PRTG: variants seen among roughly 807,000 people sequenced by gnomAD.
PRTG encodes immunoglobulin superfamily, DCC subclass, member 5.
PRTG carries 67 observed loss-of-function variants against 122.5 expected under a neutral mutation model. The observed-to-expected ratio is 0.55, with a 90% CI of 0.45 to 0.67. The LOEUF is 0.67. Among genes scored for constraint, PRTG ranks in the 30% least tolerant of loss-of-function variants. The pLI is 0.00. For synonymous variants in PRTG, 554 were observed against 501.1 expected (o/e 1.11, Z -1.41); for missense variants, 1,435 against 1,415.4 (o/e 1.01, Z -0.22).
chr15:55,664,129 C>T (rs914723395), intron 11 of PRTG, among the ~76,000 whole-genome samples: 6 of 151,784 alleles, frequency 4.0e-5, no homozygotes, highest in East Asian at 1.9e-4. Context: ...TTTGTTTTGG[C>T]GGGGTGGGAG....
At position 55,663,058 on chromosome 15, in the gene PRTG, C is replaced by A. The variant is rs188314155; in HGVS notation, c.2041+9387G>T. Among the ~76,000 whole-genome samples the A allele has an allele frequency of 3.5e-3, 528 of 152,334 alleles. 4 individuals carry two copies. Among genetic ancestry groups the A allele is most frequent in the Non-Finnish European group, 5.6e-3 (379 of 68,038 alleles). The stretch of plus-strand genomic sequence containing the variant: ...TGGTCTTACTTCTCAAAGCCCTACT[C>A]CAGAGTAAAAGTACCATCCCTTAGA... On this transcript the variant is annotated intron_variant, in intron 11 of 19. Transcript: ENST00000389286.
intron 2 of PRTG, among the ~76,000 whole-genome samples, chr15:55,709,317 C>G (rs1175877082): frequency 6.9e-6 from 1 of 145,616 alleles, no homozygotes; most frequent in East Asian, 2.0e-4. Flanking sequence ...AAAGTGCTGA[C>G]AAGTTTTTTT....
chr15:55,742,892 GCGGTCGCAGC>G lies in PRTG; in HGVS notation c.30_39del (p.Leu11ArgfsTer29). 1 of 1,531,428 alleles carries G rather than the reference GCGGTCGCAGC, an allele frequency of 6.5e-7. No homozygotes were observed. The highest frequency in any genetic ancestry group is 8.8e-7 in the Non-Finnish European group (1 of 1,138,404). The allele number at this position is 1,531,428 out of a possible 1,614,324, so 94.9% of individuals were successfully genotyped here. A position where few individuals can be genotyped will look rare whatever the true frequency, so the allele number is the denominator to read the frequency against. The stretch of plus-strand genomic sequence containing the variant: ...AGGAGCGCGCGGAGCAGCATCCCCG[GCGGTCGCAGC>G]CGGGCGAGGGGTCGCAGAGGAGGCG... On this transcript the variant is annotated frameshift_variant, in exon 1 of 20. Coordinates refer to ENST00000389286, the MANE Select transcript of PRTG (RefSeq NM_173814.6). LOFTEE classifies it high-confidence loss of function.
At chr15:55,629,369 A>G (rs62017966) in intron 15 of PRTG, among the ~76,000 whole-genome samples, 4 of 34,356 alleles carry the variant, frequency 1.2e-4, no homozygotes, top group Admixed American at 3.5e-4. Flanking sequence ...GTATATATAT[A>G]TATATATGTG....
At chr15:55,666,832 T>C (rs141604725) in intron 11 of PRTG, among the ~76,000 whole-genome samples, 6 of 152,328 alleles carry the variant, frequency 3.9e-5, no homozygotes, top group Admixed American at 6.5e-5. Context: ...CATTATTTCA[T>C]TTAATCTCCC....
chr15:55,651,162 G>C (rs1446627177), intron 11 of PRTG, among the ~76,000 whole-genome samples: 1 of 152,054 alleles, frequency 6.6e-6, no homozygotes, highest in Non-Finnish European at 1.5e-5. Context: ...GTGTAAAAGA[G>C]TACCTTCCAA....
chr15:55,652,125 C>T (rs77347641), intron 11 of PRTG, among the ~76,000 whole-genome samples: 1,549 of 152,244 alleles, frequency 0.01, 18 homozygotes, highest in Non-Finnish European at 0.011. Context: ...TAAAATGCTG[C>T]TATAGAAAAG....
intron 2 of PRTG, among the ~76,000 whole-genome samples, chr15:55,728,914 C>A (rs1343835844): frequency 2.0e-5 from 3 of 152,072 alleles, no homozygotes; most frequent in Non-Finnish European, 4.4e-5. Context: ...AGTATAAGAT[C>A]CACATGCATA....
chr15:55,645,433 C>CAAAAAAAAAAAAAAAA (rs374791424), intron 11 of PRTG, among the ~76,000 whole-genome samples: 2 of 18,950 alleles, frequency 1.1e-4, no homozygotes, highest in Non-Finnish European at 1.4e-4. Flanking sequence ...AACTCCGTCT[C>CAAAAAAAAAAAAAAAA]AAAAAAAAAA....
chr15:55,741,206 T>C (rs1466755752), intron 1 of PRTG, among the ~76,000 whole-genome samples: 5 of 152,252 alleles, frequency 3.3e-5, no homozygotes, highest in Non-Finnish European at 5.9e-5. Context: ...CATTTTTCTA[T>C]CTGCCCTTTT....
At chr15:55,739,366 C>T (rs2031539994) in intron 2 of PRTG, among the ~76,000 whole-genome samples, 2 of 151,532 alleles carry the variant, frequency 1.3e-5, no homozygotes, top group Non-Finnish European at 2.9e-5. Context: ...TCCTCAATAG[C>T]TGGGATTACA....
chr15:55,732,801 C>A (rs1226397571), intron 2 of PRTG, among the ~76,000 whole-genome samples: 1 of 151,988 alleles, frequency 6.6e-6, no homozygotes, highest in South Asian at 2.1e-4. Context: ...GCCGGTAAAC[C>A]CTTAACAGCA....
In PRTG at chr15:55,646,258, C is replaced by T. The variant is rs1326421991; in HGVS notation, c.2042-5050G>A. 2.4e-4 allele frequency among the ~76,000 whole-genome samples: 37 copies of T among 151,302 alleles called. No homozygotes were observed. The Middle Eastern group carries it at 0.01, about 42-fold the overall frequency. ...CAATCTTCTGACCTTGTGATTCACC[C>T]GCCTTGGCCTCCCAAAGTGCCCGGA... On this transcript the variant is annotated intron_variant, in intron 11 of 19. Coordinates refer to ENST00000389286, the MANE Select transcript of PRTG (RefSeq NM_173814.6).
chr15:55,688,282 T>C (rs2059581534), intron 2 of PRTG, among the ~76,000 whole-genome samples: 1 of 152,180 alleles, frequency 6.6e-6, no homozygotes, highest in Non-Finnish European at 1.5e-5. Context: ...CTTGTTCTCC[T>C]TTTATTGCTG....
At position 55,740,662 on chromosome 15, in the gene PRTG, C is replaced by G; in HGVS notation, c.117G>C (p.Leu39=). 1 of 1,613,364 alleles carries G rather than the reference C, an allele frequency of 6.2e-7. No individual in the cohort carries two copies. Among genetic ancestry groups the G allele is most frequent in the Non-Finnish European group, 8.5e-7 (1 of 1,179,726 alleles). The change falls in exon 2 of 20, where the codon CTG becomes CTC. Residue 39 remains leucine (L), a synonymous_variant. Coordinates refer to ENST00000389286, the MANE Select transcript of PRTG (RefSeq NM_173814.6). The stretch of plus-strand genomic sequence containing the variant: ...CATCCTGTGGTTCTTTTACAAAAGA[C>G]AGTTCGCTAAAGCACCACACTCCTA... ...PLPGVWCFSE[L]SFVKEPQDVT... is the part of the protein sequence containing the mutation.
intron 2 of PRTG, among the ~76,000 whole-genome samples, chr15:55,714,201 A>C (rs1397370819): frequency 1.2e-4 from 9 of 75,936 alleles, no homozygotes; most frequent in Non-Finnish European, 1.8e-4. Flanking sequence ...CTATCTATTT[A>C]TCTGTCTCTC....
In PRTG at chr15:55,652,522, G is replaced by A. The variant is rs186872552; in HGVS notation, c.2042-11314C>T. ...GGGTGACTGCACTGCCCCCAAGCCT[G>A]TCCCTTCGACACAATACCCCCCATA... is the stretch of plus-strand genomic sequence containing the variant. On this transcript the variant is annotated intron_variant, in intron 11 of 19. Coordinates refer to ENST00000389286, the MANE Select transcript of PRTG (RefSeq NM_173814.6). Among the ~76,000 whole-genome samples the A allele has an allele frequency of 1.3e-4, 20 of 152,192 alleles. No homozygotes were observed. In the East Asian group the frequency reaches 3.7e-3, roughly 28 times the overall value.
At chr15:55,720,707 C>T (rs1292550798) in intron 2 of PRTG, among the ~76,000 whole-genome samples, 1 of 152,190 alleles carries the variant, frequency 6.6e-6, no homozygotes, top group Admixed American at 6.5e-5. Flanking sequence ...ATCTGTTCAG[C>T]AGTGTCCTTC....
At chr15:55,742,344 G>A (rs1386865093) in intron 1 of PRTG, 1 of 153,340 alleles carries the variant, frequency 6.5e-6, no homozygotes, top group Non-Finnish European at 1.5e-5. Context: ...CTAAAAAGTG[G>A]GGGAACTCCC....
Sources: allele counts gnomAD v4.1 joint callset (sites outside exome capture counted in the v4.1 genomes callset), GRCh38; gene constraint gnomAD v4.1.1; transcripts MANE v1.5; gene names NCBI Gene and HGNC (gene_info 2026-07-23, HGNC 2026-07-21).